LMAN1: variants seen among roughly 807,000 people sequenced by gnomAD.
The protein encoded by LMAN1 is lectin, mannose binding 1.
In LMAN1, 32 loss-of-function variants were observed where a neutral mutation model predicts 67.8. The ratio of observed to expected loss-of-function variants is 0.47; its 90% CI spans 0.36 to 0.63. LMAN1 has a LOEUF of 0.63. LMAN1 is among the 30% of genes least tolerant of loss of function. The probability of loss-of-function intolerance (pLI) is 0.00; values close to 1 mark genes in which losing one functional copy is unlikely to be tolerated. For synonymous variants in LMAN1, 235 were observed against 219.3 expected (o/e 1.07, Z -0.63); for missense variants, 632 against 628.2 (o/e 1.01, Z -0.06).
At chr18:59,349,435 A>G (rs941542407) in intron 5 of LMAN1, among the ~76,000 whole-genome samples, 199 bp from the exon 6 acceptor site, 9 of 152,212 alleles carry the variant, frequency 5.9e-5, no homozygotes, top group African/African-American at 1.4e-4. Flanking sequence ...TCAAAAGTTT[A>G]AAGAGAGAAA....
chr18:59,355,365 T>C lies in LMAN1; in HGVS notation c.425A>G (p.Asp142Gly). 6 of 1,614,054 alleles carry C rather than the reference T, an allele frequency of 3.7e-6. No homozygotes were observed. The highest frequency in any genetic ancestry group is 2.2e-5 in the South Asian group (2 of 91,074). ...GLEGPVFGSADLWNGVGIFFD... is the reference protein window; with the variant it reads ...GLEGPVFGSAGLWNGVGIFFD... ...AAATATTCCAACACCATTCCACAGA[T>C]CAGCTGATCCAAACACAGGGCCCTC... The change falls in exon 3 of 13, where the codon GAT becomes GGT. Residue 142 changes from aspartate (D) to glycine (G), a missense_variant. Transcript: ENST00000251047.
intron 8 of LMAN1, among the ~76,000 whole-genome samples, chr18:59,344,217 T>C (rs184013811): frequency 1.3e-5 from 2 of 152,306 alleles, no homozygotes; most frequent in East Asian, 1.9e-4. Context: ...ACAACCTTCA[T>C]GGAAAACAGT....
Position 59,354,518 on chromosome 18 carries a change from CT to C in LMAN1, c.539del (p.Asn180MetfsTer33). 2 of 1,484,938 alleles carry C rather than the reference CT, an allele frequency of 1.3e-6. No individual in the cohort carries two copies. The highest frequency in any genetic ancestry group is 1.9e-6 in the Non-Finnish European group (2 of 1,062,836). 92.0% of individuals were successfully genotyped at this position (1,484,938 alleles called of 1,614,324 possible). ...GAGTAATGTAAAAAACACACACTTA[CT>C]TTTGATGGTCATAATGGATTTGTCC... ...NNGQIHYDHQNDGASQALASC... is the reference protein window; with the variant it reads ...NNGQIHYDHQXDGASQALASC... On this transcript the variant is annotated frameshift_variant and splice_region_variant, in exon 4 of 13. Coordinates refer to ENST00000251047, the MANE Select transcript of LMAN1 (RefSeq NM_005570.4). LOFTEE classifies it high-confidence loss of function.
chr18:59,332,705 G>A (rs1288915946), intron 11 of LMAN1, among the ~76,000 whole-genome samples: 1 of 152,030 alleles, frequency 6.6e-6, no homozygotes, highest in Non-Finnish European at 1.5e-5. Context: ...CCAAGCACAC[G>A]AAACCTGGGT....
At chr18:59,356,909 T>C (rs536905986) in intron 1 of LMAN1, among the ~76,000 whole-genome samples, 167 of 152,336 alleles carry the variant, frequency 1.1e-3, no homozygotes, top group Non-Finnish European at 1.8e-3. Context: ...TTTTTTGCCC[T>C]TATGGCCTTA....
rs991668452 is a variant in LMAN1, at chr18:59,347,720, G to T, written c.764-149C>A. The T allele has an allele frequency of 2.1e-4, 135 of 642,282 alleles. No individual in the cohort carries two copies. In the South Asian group the frequency reaches 2.5e-3, roughly 12 times the overall value. 39.8% of individuals were successfully genotyped at this position (642,282 alleles called of 1,614,324 possible). A position where few individuals can be genotyped will look rare whatever the true frequency, so the allele number is the denominator to read the frequency against. On this transcript the variant is annotated intron_variant, in intron 6 of 12. Coordinates refer to ENST00000251047, the MANE Select transcript of LMAN1 (RefSeq NM_005570.4). ...TTAGCACTAATTTGGTAAAGGCAAT[G>T]GCACTCTGTGAGCTTAGAGACCAAA...
chr18:59,339,178 AT>A (rs1196157922), intron 8 of LMAN1, among the ~76,000 whole-genome samples: 1 of 152,204 alleles, frequency 6.6e-6, no homozygotes, highest in African/African-American at 2.4e-5. Context: ...CTGGGTTTAA[AT>A]TTTTTTATTT....
chr18:59,350,271 C>T (rs1428843038), intron 5 of LMAN1, among the ~76,000 whole-genome samples: 1 of 152,058 alleles, frequency 6.6e-6, no homozygotes, highest in Non-Finnish European at 1.5e-5. Context: ...AGTAATATTC[C>T]TATTTCATTT....
Position 59,354,479 on chromosome 18 carries a change from G to A in LMAN1, c.539+40C>T, listed in dbSNP as rs1432719164. On this transcript the variant is annotated intron_variant, in intron 4 of 12. Coordinates refer to ENST00000251047, the MANE Select transcript of LMAN1 (RefSeq NM_005570.4). ...ATGTATTTCATAAGGATTCCAAAAAGAAGCTGAAATCAGGAGTAATGTAAA... is the reference window on the plus strand; with the variant it reads ...ATGTATTTCATAAGGATTCCAAAAAAAAGCTGAAATCAGGAGTAATGTAAA... The A allele has an allele frequency of 1.1e-5, 12 of 1,114,468 alleles. No homozygotes were observed. The Admixed American group carries it at 2.1e-4, about 19-fold the overall frequency. 69.0% of individuals were successfully genotyped at this position (1,114,468 alleles called of 1,614,324 possible).
rs1022011064 is a variant in LMAN1, at chr18:59,338,826, T to G, written c.1083A>C (p.Arg361Ser). 1.9e-6 allele frequency: 3 copies of G among 1,614,080 alleles called. No homozygotes were observed. The highest frequency in any genetic ancestry group is 2.5e-6 in the Non-Finnish European group (3 of 1,180,006). ...TTTCCTCTGTTAAGGAAGAGACATA[T>G]CTTCTCTGTTCATCAAGAATCATAT... Reference protein sequence around the residue: ...QLDMILDEQRRYVSSLTEEIS... With the variant: ...QLDMILDEQRSYVSSLTEEIS... The change falls in exon 9 of 13, where the codon AGA (arginine) becomes AGC (serine). Residue 361 changes from arginine to serine, a missense_variant. Arg to Ser is a moderately radical substitution (Grantham distance 110). Coordinates refer to ENST00000251047, the MANE Select transcript of LMAN1 (RefSeq NM_005570.4).
At chr18:59,358,585 T>TG (rs368638516) in intron 1 of LMAN1, among the ~76,000 whole-genome samples, 7 of 105,234 alleles carry the variant, frequency 6.7e-5, no homozygotes, top group African/African-American at 1.5e-4. Flanking sequence ...GGATCGGGGG[T>TG]GGGGGGTGGA....
chr18:59,350,503 T>C (rs1439514733), intron 5 of LMAN1, among the ~76,000 whole-genome samples: 1 of 152,212 alleles, frequency 6.6e-6, no homozygotes, highest in East Asian at 1.9e-4. Flanking sequence ...TATTTATTTA[T>C]TTATTTTTTG....
intron 6 of LMAN1, among the ~76,000 whole-genome samples, 189 bp from the exon 7 acceptor site, chr18:59,347,760 T>C (rs1031738598): frequency 1.3e-5 from 2 of 152,244 alleles, no homozygotes; most frequent in Non-Finnish European, 2.9e-5. Flanking sequence ...ACCTGAAAGA[T>C]TTATATTAGA....
chr18:59,352,989 A>C, intron 5 of LMAN1: 1 of 528,130 alleles, frequency 1.9e-6, no homozygotes, highest in Admixed American at 2.5e-5. Context: ...GGGCTTAAAC[A>C]TTTACTGACT....
chr18:59,339,751 C>A (rs1385545582), intron 8 of LMAN1, among the ~76,000 whole-genome samples: 1 of 152,108 alleles, frequency 6.6e-6, no homozygotes, highest in Non-Finnish European at 1.5e-5. Context: ...CTAGGAAGGT[C>A]CCTCCTGCCT....
At chr18:59,342,709 T>C (rs774985738) in intron 8 of LMAN1, among the ~76,000 whole-genome samples, 47 of 151,984 alleles carry the variant, frequency 3.1e-4, no homozygotes, top group Non-Finnish European at 5.0e-4. Flanking sequence ...CAGGGAAAAG[T>C]TGAAAACATT....
In LMAN1 at chr18:59,359,021, T is replaced by C. The variant is rs758175181; in HGVS notation, c.214+10A>G. ...AGGAACCCGGCCCCCAGCCCTCTGC[T>C]CCGGCTTACTCCCCGCGTGGGCCCA... On this transcript the variant is annotated intron_variant, in intron 1 of 12. Coordinates refer to ENST00000251047, the MANE Select transcript of LMAN1 (RefSeq NM_005570.4). 6 of 1,613,282 alleles carry C rather than the reference T, an allele frequency of 3.7e-6. No individual in the cohort carries two copies. Among genetic ancestry groups the C allele is most frequent in the Non-Finnish European group, 4.2e-6 (5 of 1,179,616 alleles).
In LMAN1 at chr18:59,358,819, G is replaced by C. The variant is rs561780552; in HGVS notation, c.214+212C>G. On this transcript the variant is annotated intron_variant, in intron 1 of 12. Coordinates refer to ENST00000251047, the MANE Select transcript of LMAN1 (RefSeq NM_005570.4). ...CAGGCGGGTGAGAGAGAACAGAATG[G>C]GTGAGGGAAAGACTCGGGGACAAGC... Among the ~76,000 whole-genome samples the C allele has an allele frequency of 9.2e-5, 14 of 152,268 alleles. No individual in the cohort carries two copies. In the East Asian group the frequency reaches 2.5e-3, roughly 27 times the overall value.
At chr18:59,358,954 G>A (rs1300738831) in intron 1 of LMAN1, 77 bp downstream of exon 1, 13 of 1,437,742 alleles carry the variant, frequency 9.0e-6, no homozygotes, top group Non-Finnish European at 1.3e-5. Context: ...AGCACACCAG[G>A]GTAGCCGCGG....
Sources: gnomAD v4.1 joint callset for allele counts (sites outside exome capture counted in the v4.1 genomes callset) on GRCh38, gnomAD v4.1.1 for gene constraint, MANE v1.5 for transcripts, NCBI Gene and HGNC (gene_info 2026-07-23, HGNC 2026-07-21) for gene names.